The following EIF4G3 variants were observed in gnomAD, a reference collection of about 807,000 sequenced individuals.
The protein encoded by EIF4G3 is eukaryotic translation initiation factor 4 gamma 3.
EIF4G3 carries 34 observed loss-of-function variants against 186.4 expected under a neutral mutation model. The ratio of observed to expected loss-of-function variants is 0.18; its 90% CI spans 0.14 to 0.24. EIF4G3 has a LOEUF of 0.24. EIF4G3 is among the 10% of genes least tolerant of loss of function. The pLI, the probability that EIF4G3 is intolerant of heterozygous loss-of-function variation, is 1.00. For missense variants in EIF4G3, 1,536 were observed against 1,948.5 expected (o/e 0.79, Z 3.99); for synonymous variants, 673 against 679.5 (o/e 0.99, Z 0.15).
At chr1:21,020,479 G>C (rs2090415835) in intron 4 of EIF4G3, among the ~76,000 whole-genome samples, 1 of 152,048 alleles carries the variant, frequency 6.6e-6, no homozygotes, top group Non-Finnish European at 1.5e-5. Context: ...AACAGAGTGA[G>C]ACCCTGTCTC....
At chr1:20,969,397 TG>T in intron 12 of EIF4G3, 76 bp downstream of exon 12, 6 of 1,524,786 alleles carry the variant, frequency 3.9e-6, no homozygotes, top group Non-Finnish European at 5.4e-6. Flanking sequence ...GTACAGAAAG[TG>T]GCTATAGAAG....
chr1:21,017,561 G>A (rs1174483564), intron 4 of EIF4G3, among the ~76,000 whole-genome samples: 1 of 149,052 alleles, frequency 6.7e-6, no homozygotes, highest in Admixed American at 6.7e-5. Flanking sequence ...CCAGGAGGTG[G>A]AGCTTGCAGT....
intron 12 of EIF4G3, among the ~76,000 whole-genome samples, chr1:20,958,925 C>A (rs1019033592): frequency 1.3e-5 from 2 of 152,026 alleles, no homozygotes; most frequent in Non-Finnish European, 2.9e-5. Context: ...GGAAATGCAT[C>A]CCATAATCAT....
chr1:21,123,155 A>G (rs2096957621), intron 2 of EIF4G3, among the ~76,000 whole-genome samples: 1 of 152,170 alleles, frequency 6.6e-6, no homozygotes, highest in South Asian at 2.1e-4. Context: ...CAATTTTCTT[A>G]ATCTGCCCTA....
chr1:20,829,366 T>C (rs1295215685), intron 30 of EIF4G3, 94 bp from the exon 31 acceptor site: 1 of 1,369,054 alleles, frequency 7.3e-7, no homozygotes, highest in East Asian at 2.5e-5. Flanking sequence ...AAATACATAT[T>C]AATCACCTGC....
intron 3 of EIF4G3, among the ~76,000 whole-genome samples, chr1:21,061,851 A>T (rs528059157): frequency 6.6e-6 from 1 of 150,846 alleles, no homozygotes; most frequent in South Asian, 2.1e-4. Context: ...GGTTTCAAGC[A>T]ATTCTCCTGC....
At chr1:21,024,361 G>A (rs1416337371) in intron 4 of EIF4G3, among the ~76,000 whole-genome samples, 2 of 152,144 alleles carry the variant, frequency 1.3e-5, no homozygotes, top group Non-Finnish European at 2.9e-5. Flanking sequence ...TCAGCCCCCT[G>A]CCCAGCCAGC....
At chr1:21,069,526 T>C (rs1473245157) in intron 3 of EIF4G3, among the ~76,000 whole-genome samples, 1 of 152,190 alleles carries the variant, frequency 6.6e-6, no homozygotes, top group Non-Finnish European at 1.5e-5. Flanking sequence ...TCAATATATG[T>C]TTTCTAAATT....
At chr1:20,960,185 G>C (rs1355813904) in intron 12 of EIF4G3, among the ~76,000 whole-genome samples, 6 of 152,206 alleles carry the variant, frequency 3.9e-5, no homozygotes, top group Non-Finnish European at 7.3e-5. Flanking sequence ...AATAAATTCT[G>C]CCTGGGCACG....
chr1:20,846,117 T>C (rs943590682), intron 29 of EIF4G3, among the ~76,000 whole-genome samples: 3 of 152,306 alleles, frequency 2.0e-5, no homozygotes, highest in Non-Finnish European at 2.9e-5. Context: ...CTGATGCTAG[T>C]GATTTTTGCA....
intron 14 of EIF4G3, among the ~76,000 whole-genome samples, chr1:20,905,192 GTTCTTCCCATTTCATGGTTA>G (rs1558166478): frequency 1.3e-5 from 2 of 152,200 alleles, no homozygotes; most frequent in Non-Finnish European, 1.5e-5. Flanking sequence ...AGTGGCCTGC[GTTCTTCCCATTTCATGGTTA>G]GAAATATCCC....
intron 14 of EIF4G3, among the ~76,000 whole-genome samples, chr1:20,927,043 A>G (rs895185539): frequency 1.3e-5 from 2 of 151,968 alleles, no homozygotes; most frequent in Non-Finnish European, 2.9e-5. Flanking sequence ...ATTGAAAAAA[A>G]TACTTTTTTT....
At chr1:21,156,499 G>A (rs1350935404) in intron 2 of EIF4G3, among the ~76,000 whole-genome samples, 1 of 151,996 alleles carries the variant, frequency 6.6e-6, no homozygotes, top group Non-Finnish European at 1.5e-5. Context: ...AAATGAGTTG[G>A]ATATTTCACT....
At chr1:21,134,842 T>C (rs2097211196) in intron 2 of EIF4G3, among the ~76,000 whole-genome samples, 1 of 152,130 alleles carries the variant, frequency 6.6e-6, no homozygotes, top group South Asian at 2.1e-4. Flanking sequence ...CTTTGCTATG[T>C]TATAGTGTAT....
chr1:21,103,783 G>A (rs2096567884), intron 2 of EIF4G3, among the ~76,000 whole-genome samples: 1 of 152,122 alleles, frequency 6.6e-6, no homozygotes, highest in African/African-American at 2.4e-5. Context: ...GGCAGCGGTT[G>A]CAGTGAGCCA....
At chr1:21,019,552 T>C (rs180794300) in intron 4 of EIF4G3, among the ~76,000 whole-genome samples, 2 of 152,290 alleles carry the variant, frequency 1.3e-5, no homozygotes, top group Admixed American at 6.5e-5. Flanking sequence ...TTTTATCTTT[T>C]ATTATCGAGG....
intron 3 of EIF4G3, among the ~76,000 whole-genome samples, chr1:21,060,138 A>G (rs2094812495): frequency 7.0e-6 from 1 of 143,766 alleles, no homozygotes; most frequent in Non-Finnish European, 1.5e-5. Flanking sequence ...TTTTGTAGAG[A>G]CAAGATTTCA....
chr1:20,988,835 T>G (rs990385432), intron 7 of EIF4G3, among the ~76,000 whole-genome samples: 1 of 151,474 alleles, frequency 6.6e-6, no homozygotes, highest in African/African-American at 2.4e-5. Flanking sequence ...CTGCCACACA[T>G]ACTGATTTCT....
At chr1:20,882,868 C>T (rs562203195) in intron 19 of EIF4G3, among the ~76,000 whole-genome samples, 14 of 151,564 alleles carry the variant, frequency 9.2e-5, no homozygotes, top group African/African-American at 2.7e-4. Context: ...GCAGGAGGAC[C>T]GCTTGAGCCC....
Sources: allele counts gnomAD v4.1 joint callset (sites outside exome capture counted in the v4.1 genomes callset), GRCh38; gene constraint gnomAD v4.1.1; transcripts MANE v1.5; gene names NCBI Gene and HGNC (gene_info 2026-07-23, HGNC 2026-07-21).